The following TTN variants were observed in gnomAD, a reference collection of about 807,000 sequenced individuals.
The protein encoded by TTN is titin.
In TTN, 1,525 loss-of-function variants were observed where a neutral mutation model predicts 3,223.0. That is an observed-to-expected ratio of 0.47 (90% CI 0.45 to 0.49). The LOEUF (loss-of-function observed/expected upper bound fraction) is 0.49. Ranked by LOEUF, TTN falls within the 20% of genes least tolerant of loss-of-function variation. The probability of loss-of-function intolerance (pLI) is 0.00; values close to 1 mark genes in which losing one functional copy is unlikely to be tolerated. For synonymous variants in TTN, 14,094 were observed against 15,161.0 expected, an observed-to-expected ratio of 0.93 and a Z score of 5.17; for missense variants, 40,786 against 43,424.0, an observed-to-expected ratio of 0.94 and a Z score of 5.40.
Position 178,646,014 on chromosome 2 carries a change from C to G in TTN, c.40314G>C (p.Lys13438Asn). 6.4e-7 allele frequency: 1 copy of G among 1,564,652 alleles called. No individual in the cohort carries two copies. The highest frequency in any genetic ancestry group is 2.4e-5 in the East Asian group (1 of 42,054). ...GTTTGAGTTTTGGCTTCTCAATAAC[C>G]TTTTCAGGTTCAGGTTCTTGAAAGA... ...EIPVKEPEPE[K>N]VIEKPKLKPR... Residue 13438 changes from lysine to asparagine, a missense_variant, in exon 217 of 363, where the codon AAG (lysine) becomes AAC (asparagine). By Grantham distance (94) the Lys-to-Asn change is moderately conservative. Transcript: ENST00000589042.
intron 8 of TTN, 117 bp from the exon 9 acceptor site, chr2:178,793,658 G>T: frequency 7.0e-7 from 1 of 1,431,544 alleles, no homozygotes; most frequent in South Asian, 1.2e-5. Flanking sequence ...AAATTAGCTG[G>T]GTGTGGTGGC....
chr2:178,693,469 A>G, intron 119 of TTN, 140 bp downstream of exon 119: 1 of 542,022 alleles, frequency 1.8e-6, no homozygotes, highest in Non-Finnish European at 3.0e-6. Context: ...CCCGTCCCCC[A>G]TCACATCCTT....
Position 178,719,822 on chromosome 2 carries a change from T to C in TTN, c.23670A>G (p.Arg7890=). The C allele has an allele frequency of 6.2e-7, 1 of 1,603,788 alleles. No homozygotes were observed. Among genetic ancestry groups the C allele is most frequent in the Non-Finnish European group, 8.5e-7 (1 of 1,174,166 alleles). Residue 7890 remains arginine, a synonymous_variant, in exon 82 of 363, where the codon AGA becomes AGG. Transcript: ENST00000589042. ...SAVLTVLEPA[R]IIEKPEPMTV... ...TCATGGGTTCGGGCTTCTCTATGATTCTTGCTGGTTCTAAAAGAAGAAGTA... is the reference window on the plus strand; with the variant it reads ...TCATGGGTTCGGGCTTCTCTATGATCCTTGCTGGTTCTAAAAGAAGAAGTA...
Position 178,536,947 on chromosome 2 carries a change from T to C in TTN, c.100162A>G (p.Ser33388Gly). Reference protein sequence around the residue: ...LEVSSVVIIKSPFEKPGAPGK... With the variant: ...LEVSSVVIIKGPFEKPGAPGK... ...ATCAAGTTGTACTCACCAAATGGAC[T>C]CTTAATGATCACAACTGAGGACACT... The change falls in exon 356 of 363, where the codon AGT becomes GGT. Residue 33388 changes from serine (S) to glycine (G), a missense_variant. Coordinates refer to ENST00000589042, the MANE Select transcript of TTN (RefSeq NM_001267550.2). The C allele has an allele frequency of 6.2e-7, 1 of 1,605,506 alleles. No individual in the cohort carries two copies. The highest frequency in any genetic ancestry group is 8.5e-7 in the Non-Finnish European group (1 of 1,173,776).
chr2:178,664,759 A>G, intron 166 of TTN, 22 bp from the exon 167 acceptor site: 1 of 1,611,804 alleles, frequency 6.2e-7, no homozygotes, highest in Non-Finnish European at 8.5e-7. Context: ...TAGTAGTTTT[A>G]TGTTTAGTGT....
chr2:178,794,513 A>T lies in TTN; in HGVS notation c.1284T>A (p.Thr428=). ...TGGCCATATCAACGGCAGCAACAAC[A>T]GTCGCAACAGCTGCACTTTTGTCAG... ...QDADKSAAVA[T]VVAAVDMARV... is the part of the protein sequence containing the mutation. Residue 428 remains threonine (T), a synonymous_variant, in exon 8 of 363, where the codon ACT becomes ACA. Coordinates refer to ENST00000589042, the MANE Select transcript of TTN (RefSeq NM_001267550.2). 6.2e-7 allele frequency: 1 copy of T among 1,614,234 alleles called. No homozygotes were observed. Among genetic ancestry groups the T allele is most frequent in the South Asian group, 1.1e-5 (1 of 91,092 alleles).
In TTN at chr2:178,779,434, C is replaced by T. The variant is rs747488004; in HGVS notation, c.3758G>A (p.Arg1253Lys). The change falls in exon 23 of 363, where the codon AGA becomes AAA. Residue 1253 changes from arginine (R) to lysine (K), a missense_variant. By Grantham distance (26) the Arg-to-Lys change is conservative (BLOSUM62 2). Transcript: ENST00000589042. Reference protein sequence around the residue: ...QEFHISSFEERLIKEIEYRII... With the variant: ...QEFHISSFEEKLIKEIEYRII... ...TCTATATTCAATTTCTTTAATAAGT[C>T]TCTCTTCAAAGGAAGAAATATGGAA... 7 of 1,562,930 alleles carry T rather than the reference C, an allele frequency of 4.5e-6. No individual in the cohort carries two copies. In the South Asian group the frequency reaches 7.9e-5, roughly 18 times the overall value.
At chr2:178,642,102 A>T in intron 219 of TTN, 135 bp downstream of exon 219, 1 of 645,250 alleles carries the variant, frequency 1.5e-6, no homozygotes, top group Non-Finnish European at 2.4e-6. Flanking sequence ...CTTAATTTTC[A>T]ATGAAACTAC....
Position 178,551,793 on chromosome 2 carries a change from G to C in TTN, c.91107C>G (p.Ile30369Met). 1.9e-6 allele frequency: 3 copies of C among 1,613,756 alleles called. No individual in the cohort carries two copies. Among genetic ancestry groups the C allele is most frequent in the Non-Finnish European group, 2.5e-6 (3 of 1,179,798 alleles). ...GTGATGTATTAACTTTTTGCCAGAG[G>C]ATGCTATTTCTTTCTTTCTTTTCAA... ...FHVEKKERNSILWQKVNTSPI... is the reference protein window; with the variant it reads ...FHVEKKERNSMLWQKVNTSPI... The change falls in exon 335 of 363, where the codon ATC (isoleucine) becomes ATG (methionine). Residue 30369 changes from isoleucine to methionine, a missense_variant. Coordinates refer to ENST00000589042, the MANE Select transcript of TTN (RefSeq NM_001267550.2).
At chr2:178,650,554 A>G (rs2062762771) in intron 209 of TTN, among the ~76,000 whole-genome samples, 197 bp downstream of exon 209, 2 of 152,150 alleles carry the variant, frequency 1.3e-5, no homozygotes, top group African/African-American at 4.8e-5. Flanking sequence ...ATAGCTTACT[A>G]TGACTTATGT....
rs1201727409 is a variant in TTN at position 178,710,665 on chromosome 2, C to T, written c.28432G>A (p.Asp9478Asn). Residue 9478 changes from aspartate to asparagine, a missense_variant, in exon 98 of 363, where the codon GAC becomes AAC. Physicochemically the swap from Asp to Asn is conservative, Grantham distance 23. Coordinates refer to ENST00000589042, the MANE Select transcript of TTN (RefSeq NM_001267550.2). Reference sequence around the variant, plus strand: ...ATATTCAGCTGAGCTGTGCAAGAGTCTTTTCCCACTTCATTCACAGCATAG... The same window carrying T: ...ATATTCAGCTGAGCTGTGCAAGAGTTTTTTCCCACTTCATTCACAGCATAG... ...TCYAVNEVGK[D>N]SCTAQLNIKE... 6.2e-7 allele frequency: 1 copy of T among 1,612,618 alleles called. No homozygotes were observed. Among genetic ancestry groups the T allele is most frequent in the Non-Finnish European group, 8.5e-7 (1 of 1,179,672 alleles).
rs748351899 is a variant in TTN at position 178,574,951 on chromosome 2, T to C, written c.71181A>G (p.Pro23727=). ...DVITIQVHDI[P]GPPTGPIKFD... is the part of the protein sequence containing the mutation. ...ATTTGATTGGTCCAGTAGGTGGCCC[T>C]GGGATATCATGGACTTGAATGGTGA... The change falls in exon 326 of 363, where the codon CCA becomes CCG. Residue 23727 remains proline (P), a synonymous_variant. Coordinates refer to ENST00000589042, the MANE Select transcript of TTN (RefSeq NM_001267550.2). 8 of 1,613,016 alleles carry C rather than the reference T, an allele frequency of 5.0e-6. No homozygotes were observed. The highest frequency in any genetic ancestry group is 6.8e-6 in the Non-Finnish European group (8 of 1,179,532).
At chr2:178,629,202 G>T in intron 240 of TTN, 99 bp downstream of exon 240, 1 of 1,439,950 alleles carries the variant, frequency 6.9e-7, no homozygotes, top group East Asian at 2.5e-5. Flanking sequence ...AAAGACAGAG[G>T]AAGAGACATT....
rs747546249 is a variant in TTN at position 178,739,909 on chromosome 2, T to C, written c.13324A>G (p.Met4442Val). Reference sequence around the variant, plus strand: ...GACTTTGCCGAAGTAACAAGGTACATGCACATGATGTGTCTGGGCTCTTGG... The same window carrying C: ...GACTTTGCCGAAGTAACAAGGTACACGCACATGATGTGTCTGGGCTCTTGG... Reference protein sequence around the residue: ...ITQEPRHIMCMYLVTSAKSVT... With the variant: ...ITQEPRHIMCVYLVTSAKSVT... Residue 4442 changes from methionine (M) to valine (V), a missense_variant, in exon 48 of 363, where the codon ATG (methionine) becomes GTG (valine). By Grantham distance (21) the Met-to-Val change is conservative (BLOSUM62 1). Transcript: ENST00000589042. 3.1e-6 allele frequency: 5 copies of C among 1,613,920 alleles called. No homozygotes were observed. The South Asian group carries it at 4.4e-5, about 14-fold the overall frequency.
At chr2:178,735,227 G>T (rs974210023) in intron 50 of TTN, among the ~76,000 whole-genome samples, 1 of 152,136 alleles carries the variant, frequency 6.6e-6, no homozygotes, top group African/African-American at 2.4e-5. Flanking sequence ...TTTTATAAAA[G>T]AAGATAGTTA....
chr2:178,777,412 C>A lies in TTN; in HGVS notation c.4645+8G>T, dbSNP rs144456585. 99 of 1,612,798 alleles carry A rather than the reference C, an allele frequency of 6.1e-5. 1 individual carries two copies. In the African/African-American group the frequency reaches 1.1e-3, roughly 18 times the overall value. The stretch of plus-strand genomic sequence containing the variant: ...AAATTCATTTATTTTTATTTTATCT[C>A]ATTTTACCTTCCACAGTTAAAATCA... On this transcript the variant is annotated splice_region_variant and intron_variant, in intron 26 of 362. Coordinates refer to ENST00000589042, the MANE Select transcript of TTN (RefSeq NM_001267550.2).
chr2:178,710,629 C>T lies in TTN; in HGVS notation c.28462+6G>A, dbSNP rs779764827. On this transcript the variant is annotated splice_donor_region_variant and intron_variant, in intron 98 of 362. Transcript: ENST00000589042. The stretch of plus-strand genomic sequence containing the variant: ...TTTGTTGGACCACTTGCAAAATAAA[C>T]GATACCTTTTATATTCAGCTGAGCT... The T allele has an allele frequency of 8.1e-6, 13 of 1,595,104 alleles. No individual in the cohort carries two copies. Among genetic ancestry groups the T allele is most frequent in the East Asian group, 6.7e-5 (3 of 44,476 alleles).
chr2:178,598,345 G>A (rs954784322), intron 292 of TTN, among the ~76,000 whole-genome samples, 161 bp downstream of exon 292: 12 of 152,002 alleles, frequency 7.9e-5, no homozygotes, highest in African/African-American at 2.4e-4. Flanking sequence ...CTTTTGATTC[G>A]ATTTCTGACA....
intron 6 of TTN, among the ~76,000 whole-genome samples, chr2:178,797,393 C>CT (rs1319689146): frequency 6.6e-6 from 1 of 151,764 alleles, no homozygotes; most frequent in Non-Finnish European, 1.5e-5. Flanking sequence ...GTTTATTGGA[C>CT]TTTTACATTG....
Sources: gnomAD v4.1 joint callset for allele counts (sites outside exome capture counted in the v4.1 genomes callset) on GRCh38, gnomAD v4.1.1 for gene constraint, MANE v1.5 for transcripts, NCBI Gene and HGNC (gene_info 2026-07-23, HGNC 2026-07-21) for gene names.